The following ATRN variants were observed in gnomAD, a reference collection of about 807,000 sequenced individuals.
ATRN encodes the protein attractin.
ATRN carries 54 observed loss-of-function variants against 178.7 expected under a neutral mutation model. The ratio of observed to expected loss-of-function variants is 0.30; its 90% CI spans 0.24 to 0.38. The LOEUF (loss-of-function observed/expected upper bound fraction) is 0.38, where lower values mean the gene tolerates loss of function less well. ATRN is among the 10% of genes least tolerant of loss of function. The pLI is 1.00. For synonymous variants in ATRN, 636 were observed against 663.0 expected (o/e 0.96, Z 0.63); for missense variants, 1,443 against 1,815.1 (o/e 0.79, Z 3.73).
chr20:3,624,452 C>A, intron 24 of ATRN, 59 bp from the exon 25 acceptor site: 2 of 1,360,212 alleles, frequency 1.5e-6, no homozygotes, highest in East Asian at 2.3e-5. Context: ...AAATGAGAAG[C>A]GTGAATCCGT....
At chr20:3,589,741 C>G (rs928746812) in intron 18 of ATRN, among the ~76,000 whole-genome samples, 1 of 151,992 alleles carries the variant, frequency 6.6e-6, no homozygotes, top group East Asian at 1.9e-4. Flanking sequence ...GCAAGCCAGC[C>G]TCAGGACACT....
chr20:3,531,636 G>A (rs2085454388), intron 1 of ATRN, among the ~76,000 whole-genome samples: 1 of 152,188 alleles, frequency 6.6e-6, no homozygotes, highest in Admixed American at 6.5e-5. Flanking sequence ...GAAAGATGCA[G>A]AAAAGTATAT....
At chr20:3,640,426 C>A (rs1267451331) in intron 27 of ATRN, among the ~76,000 whole-genome samples, 3 of 151,980 alleles carry the variant, frequency 2.0e-5, no homozygotes, top group Non-Finnish European at 4.4e-5. Context: ...AAAGGAGAGG[C>A]AATATTCAGA....
At chr20:3,564,977 A>G (rs560978493) in intron 10 of ATRN, among the ~76,000 whole-genome samples, 3 of 152,298 alleles carry the variant, frequency 2.0e-5, no homozygotes, top group Non-Finnish European at 2.9e-5. Flanking sequence ...AGGCAGGAGA[A>G]TGGCGTGAAC....
chr20:3,480,160 C>A (rs1267306924), intron 1 of ATRN, among the ~76,000 whole-genome samples: 1 of 152,194 alleles, frequency 6.6e-6, no homozygotes, highest in African/African-American at 2.4e-5. Context: ...CAATCTCCAG[C>A]TTCTGGGTTT....
chr20:3,502,481 C>G (rs912012565), intron 1 of ATRN, among the ~76,000 whole-genome samples: 3 of 152,186 alleles, frequency 2.0e-5, no homozygotes, highest in Non-Finnish European at 4.4e-5. Context: ...TTTCCTGACC[C>G]TCCCACCTAG....
chr20:3,501,710 A>G (rs755992188), intron 1 of ATRN, among the ~76,000 whole-genome samples: 3 of 152,222 alleles, frequency 2.0e-5, no homozygotes, highest in Non-Finnish European at 2.9e-5. Flanking sequence ...GGCGAGGGCC[A>G]ACTTTTGGTA....
chr20:3,629,243 A>G (rs764700977), intron 25 of ATRN: 6 of 985,394 alleles, frequency 6.1e-6, no homozygotes, highest in East Asian at 1.1e-4. Flanking sequence ...AAGATCATGT[A>G]TCTAGCCCCT....
intron 4 of ATRN, among the ~76,000 whole-genome samples, chr20:3,546,761 A>G (rs893079902): frequency 6.6e-6 from 1 of 152,204 alleles, no homozygotes; most frequent in African/African-American, 2.4e-5. Flanking sequence ...TAAAATTACT[A>G]AGGAATTTTA....
In ATRN at chr20:3,578,745, G is replaced by A. The variant is rs1170053390; in HGVS notation, c.2517G>A (p.Leu839=). The change falls in exon 15 of 29, where the codon CTG becomes CTA. Residue 839 remains leucine, a synonymous_variant. Coordinates refer to ENST00000262919, the MANE Select transcript of ATRN (RefSeq NM_139321.3). Reference sequence around the variant, plus strand: ...AGGTAGAATTTGTCCTTAAGCAGCTGCGAATAATGCAGTCATCTCAGAGCA... The same window carrying A: ...AGGTAGAATTTGTCCTTAAGCAGCTACGAATAATGCAGTCATCTCAGAGCA... The part of the protein sequence containing the change: ...QKKVEFVLKQ[L]RIMQSSQSMS... 1 of 1,613,030 alleles carries A rather than the reference G, an allele frequency of 6.2e-7. No individual in the cohort carries two copies. Among genetic ancestry groups the A allele is most frequent in the Non-Finnish European group, 8.5e-7 (1 of 1,179,748 alleles).
intron 4 of ATRN, among the ~76,000 whole-genome samples, chr20:3,547,004 A>G (rs1427318665): frequency 6.6e-6 from 1 of 152,192 alleles, no homozygotes; most frequent in Non-Finnish European, 1.5e-5. Context: ...GTTCTGCACA[A>G]ATCTCCTACC....
chr20:3,489,510 T>G, intron 1 of ATRN: 140 of 1,313,452 alleles, frequency 1.1e-4, no homozygotes, highest in Non-Finnish European at 1.4e-4. Flanking sequence ...GCCCAAAAGC[T>G]GAGCTACATC....
chr20:3,478,101 A>G (rs1428791272), intron 1 of ATRN, among the ~76,000 whole-genome samples: 1 of 151,614 alleles, frequency 6.6e-6, no homozygotes, highest in Non-Finnish European at 1.5e-5. Context: ...GTTTCTTTCC[A>G]TTTCTTCTGC....
chr20:3,495,352 G>A (rs929688217), intron 1 of ATRN, among the ~76,000 whole-genome samples: 1 of 152,170 alleles, frequency 6.6e-6, no homozygotes, highest in South Asian at 2.1e-4. Flanking sequence ...GGACACCAAT[G>A]CAGTGCTGGA....
Position 3,489,037 on chromosome 20 carries a change from T to G in ATRN, c.410+17520T>G, listed in dbSNP as rs540741933. Among the ~76,000 whole-genome samples the G allele has an allele frequency of 2.8e-3, 423 of 152,302 alleles. 1 individual carries two copies. The highest frequency in any genetic ancestry group is 5.1e-3 in the Non-Finnish European group (347 of 68,020). ...GTGCAGTGGCGTGATCTTGGCTCAC[T>G]GCAACCTCCGCCTCCTGGGTTCAAG... On this transcript the variant is annotated intron_variant, in intron 1 of 28. Transcript: ENST00000262919.
chr20:3,500,652 C>T (rs962599159), intron 1 of ATRN, among the ~76,000 whole-genome samples: 3 of 132,802 alleles, frequency 2.3e-5, no homozygotes, highest in African/African-American at 8.7e-5. Flanking sequence ...CTCATGTACA[C>T]AGGAAGGGGA....
Position 3,489,101 on chromosome 20 carries a change from C to T in ATRN, c.410+17584C>T, listed in dbSNP as rs372078415. ...TCAGCCTCCCAAGTAGCTGGGATTA[C>T]GGTTGTGCGCCACCATGCCAGACTA... On this transcript the variant is annotated intron_variant, in intron 1 of 28. Coordinates refer to ENST00000262919, the MANE Select transcript of ATRN (RefSeq NM_139321.3). 2.8e-4 allele frequency among the ~76,000 whole-genome samples: 43 copies of T among 152,234 alleles called. No homozygotes were observed. In the East Asian group the frequency reaches 4.8e-3, roughly 17 times the overall value.
chr20:3,620,261 TTTTGA>T (rs1568769527), intron 24 of ATRN, among the ~76,000 whole-genome samples: 3 of 134,564 alleles, frequency 2.2e-5, no homozygotes, highest in Non-Finnish European at 4.8e-5. Context: ...TTTTGTTTTG[TTTTGA>T]GACAGTCTCG....
Position 3,586,365 on chromosome 20 carries a change from A to G in ATRN, c.3184+1485A>G, listed in dbSNP as rs556398201. Among the ~76,000 whole-genome samples the G allele has an allele frequency of 7.2e-5, 11 of 152,324 alleles. No homozygotes were observed. The East Asian group carries it at 1.2e-3, about 16-fold the overall frequency. Reference sequence around the variant, plus strand: ...TGCGTTGCATGATGCCATTTATATGAAATGTCCAAAGACAGAAAGTAGATG... The same window carrying G: ...TGCGTTGCATGATGCCATTTATATGGAATGTCCAAAGACAGAAAGTAGATG... On this transcript the variant is annotated intron_variant, in intron 18 of 28. Coordinates refer to ENST00000262919, the MANE Select transcript of ATRN (RefSeq NM_139321.3).
Sources: gnomAD v4.1 joint callset for allele counts (sites outside exome capture counted in the v4.1 genomes callset) on GRCh38, gnomAD v4.1.1 for gene constraint, MANE v1.5 for transcripts, NCBI Gene and HGNC (gene_info 2026-07-23, HGNC 2026-07-21) for gene names.